Variants in ULK2 observed in about 807,000 individuals in gnomAD.
ULK2 encodes the protein unc-51 like autophagy activating kinase 2, also known as serine/threonine-protein kinase ULK2.
In ULK2, 76 loss-of-function variants were observed where a neutral mutation model predicts 127.5. The ratio of observed to expected loss-of-function variants is 0.60; its 90% CI spans 0.50 to 0.72. ULK2 has a LOEUF of 0.72. Among genes scored for constraint, ULK2 ranks in the 30% least tolerant of loss-of-function variants. The pLI is 0.00. For synonymous variants in ULK2, 452 were observed against 461.9 expected, an observed-to-expected ratio of 0.98 and a Z score of 0.28; for missense variants, 1,144 against 1,295.9, an observed-to-expected ratio of 0.88 and a Z score of 1.80.
intron 3 of ULK2, 110 bp downstream of exon 3, chr17:19,864,693 T>A: frequency 5.3e-6 from 2 of 378,796 alleles, no homozygotes; most frequent in Non-Finnish European, 9.3e-6. Flanking sequence ...AAGCTATGCA[T>A]CTTTTCAACA....
rs957456284 is a variant in ULK2, at chr17:19,783,762, G to T, written c.2395C>A (p.Pro799Thr). 1.2e-6 allele frequency: 2 copies of T among 1,600,856 alleles called. No individual in the cohort carries two copies. The highest frequency in any genetic ancestry group is 1.3e-5 in the African/African-American group (1 of 74,444). Residue 799 changes from proline to threonine, a missense_variant, in exon 22 of 27, where the codon CCC (proline) becomes ACC (threonine). By Grantham distance (38) the Pro-to-Thr change is conservative (BLOSUM62 -1). This residue lies in a region of ULK2 where 913 missense variants were observed against 970.5 expected (regional missense o/e 0.94). Transcript: ENST00000395544. ...SLRYVPYGAS[P>T]PSLEGLITFE... ...GTGATGAGCCCCTCTAGGCTGGGGG[G>T]TGAAGCACCGTAAGGCACGTATCTC...
intron 23 of ULK2, 133 bp from the exon 24 acceptor site, chr17:19,781,237 CTTTTCTT>C: frequency 1.9e-6 from 1 of 529,998 alleles, no homozygotes; most frequent in Non-Finnish European, 3.2e-6. Flanking sequence ...TTTCTTCTTT[CTTTTCTT>C]TTTTTTTTTT....
At chr17:19,776,825 T>G (rs1234687387) in intron 26 of ULK2, among the ~76,000 whole-genome samples, 1 of 152,210 alleles carries the variant, frequency 6.6e-6, no homozygotes, top group Non-Finnish European at 1.5e-5. Context: ...CACAGGACTC[T>G]TTAGTCACTA....
rs140654664 is a variant in ULK2, at chr17:19,833,490, C to T, written c.787+5011G>A. On this transcript the variant is annotated intron_variant, in intron 10 of 26. Coordinates refer to ENST00000395544, the MANE Select transcript of ULK2 (RefSeq NM_014683.4). ...TTAGGAGGCCGAGGTGGGTGGATCA[C>T]GTGAGCCCAGGAGTTCAAGACCAGC... Among the ~76,000 whole-genome samples, 642 of 152,046 alleles carry T rather than the reference C, an allele frequency of 4.2e-3. 1 individual carries two copies. The highest frequency in any genetic ancestry group is 6.8e-3 in the Middle Eastern group (2 of 294).
intron 21 of ULK2, chr17:19,784,120 A>C: frequency 2.5e-6 from 1 of 394,036 alleles, no homozygotes. Context: ...ATTAGACATC[A>C]TCAGAGCTAG....
chr17:19,804,666 T>C, intron 15 of ULK2, 27 bp downstream of exon 15: 1 of 1,554,564 alleles, frequency 6.4e-7, no homozygotes, highest in Non-Finnish European at 8.7e-7. Flanking sequence ...GAAAAAGAAT[T>C]AAGCAAGAAA....
rs569884016 is a variant in ULK2 at position 19,783,746 on chromosome 17, C to T, written c.2411G>A (p.Gly804Glu). The change falls in exon 22 of 27, where the codon GGG becomes GAG. Residue 804 changes from glycine to glutamate, a missense_variant. Around this residue, in one of 2 missense-constraint regions of ULK2, gnomAD observed 913 missense variants for 970.5 expected, o/e 0.94. Transcript: ENST00000395544. ...PYGASPPSLE[G>E]LITFEAPELP... ...TTCAGGGGCTTCAAAGGTGATGAGCCCCTCTAGGCTGGGGGGTGAAGCACC... is the reference window on the plus strand; with the variant it reads ...TTCAGGGGCTTCAAAGGTGATGAGCTCCTCTAGGCTGGGGGGTGAAGCACC... 1.9e-6 allele frequency: 3 copies of T among 1,594,632 alleles called. No individual in the cohort carries two copies. The highest frequency in any genetic ancestry group is 1.7e-5 in the Admixed American group (1 of 57,628).
chr17:19,854,885 G>A (rs2042090953), intron 3 of ULK2, among the ~76,000 whole-genome samples: 1 of 151,946 alleles, frequency 6.6e-6, no homozygotes, highest in African/African-American at 2.4e-5. Context: ...TGGATCACGA[G>A]GTCAGGAGTT....
chr17:19,809,989 T>C (rs542585798), intron 14 of ULK2, among the ~76,000 whole-genome samples: 8 of 152,246 alleles, frequency 5.3e-5, no homozygotes, highest in African/African-American at 1.9e-4. Flanking sequence ...CCCAGCACTC[T>C]GGGAGGCCAA....
chr17:19,783,267 A>G (rs1245290482), intron 22 of ULK2, among the ~76,000 whole-genome samples: 1 of 152,018 alleles, frequency 6.6e-6, no homozygotes, highest in East Asian at 1.9e-4. Flanking sequence ...CCTGGCCAAC[A>G]TGGTGAAACC....
chr17:19,790,792 A>C (rs923358281), intron 20 of ULK2, among the ~76,000 whole-genome samples: 2 of 152,244 alleles, frequency 1.3e-5, no homozygotes, highest in African/African-American at 4.8e-5. Context: ...AGACACATGT[A>C]GACTGATAAT....
chr17:19,789,170 AG>A (rs2087098653), intron 20 of ULK2, among the ~76,000 whole-genome samples: 1 of 152,226 alleles, frequency 6.6e-6, no homozygotes, highest in Non-Finnish European at 1.5e-5. Flanking sequence ...TAACCCAGGC[AG>A]TTCCAGTGGT....
At chr17:19,862,498 C>T (rs983618597) in intron 3 of ULK2, among the ~76,000 whole-genome samples, 1 of 151,572 alleles carries the variant, frequency 6.6e-6, no homozygotes, top group African/African-American at 2.4e-5. Context: ...TGGAGTTTCG[C>T]TCGTTACCCC....
intron 5 of ULK2, among the ~76,000 whole-genome samples, 188 bp from the exon 6 acceptor site, chr17:19,847,098 A>C (rs2041902396): frequency 6.6e-6 from 1 of 152,218 alleles, no homozygotes; most frequent in African/African-American, 2.4e-5. Context: ...CAAAACCTGT[A>C]GTCAATCTGT....
Position 19,801,841 on chromosome 17 carries a change from T to C in ULK2, c.1377A>G (p.Thr459=). ...AGAGCCTTCGTCCAACTGTCTGTGC[T>C]GTGTCTGCTGGTACTGGGGAGCATG... The part of the protein sequence containing the change: ...PGSCSPVPAD[T]AQTVGRRLST... Residue 459 remains threonine, a synonymous_variant, in exon 16 of 27, where the codon ACA becomes ACG. Transcript: ENST00000395544. 3.7e-6 allele frequency: 6 copies of C among 1,614,240 alleles called. No individual in the cohort carries two copies. Among genetic ancestry groups the C allele is most frequent in the Non-Finnish European group, 5.1e-6 (6 of 1,180,032 alleles).
Position 19,771,151 on chromosome 17 carries a change from G to T in ULK2, c.*5198C>A, listed in dbSNP as rs1404669603. ...GGTGAGACAGTGTGGGGCTCCTGTGGGGAGATGGGTACTCCTGTACCCAGT... is the reference window on the plus strand; with the variant it reads ...GGTGAGACAGTGTGGGGCTCCTGTGTGGAGATGGGTACTCCTGTACCCAGT... On this transcript the variant is annotated 3_prime_UTR_variant, in exon 27 of 27. Coordinates refer to ENST00000395544, the MANE Select transcript of ULK2 (RefSeq NM_014683.4). 1 of 152,194 alleles carries T rather than the reference G, an allele frequency of 6.6e-6. No individual in the cohort carries two copies. Among genetic ancestry groups the T allele is most frequent in the Non-Finnish European group, 1.5e-5 (1 of 68,058 alleles). 9.4% of individuals were successfully genotyped at this position (152,194 alleles called of 1,614,324 possible). A position where few individuals can be genotyped will look rare whatever the true frequency, so the allele number is the denominator to read the frequency against.
chr17:19,817,065 G>C lies in ULK2; in HGVS notation c.925-145C>G, dbSNP rs1214085822. 1.8e-5 allele frequency: 12 copies of C among 652,802 alleles called. 1 individual carries two copies. In the Admixed American group the frequency reaches 2.1e-4, roughly 11 times the overall value. 40.4% of individuals were successfully genotyped at this position (652,802 alleles called of 1,614,324 possible). ...CTAAGGTTTCAAAAAAATCTCTTTG[G>C]AAAAGCTTTCCTTTAGAAAACCTTT... On this transcript the variant is annotated intron_variant, in intron 12 of 26. Transcript: ENST00000395544.
In ULK2 at chr17:19,777,704, C is replaced by A. The variant is rs1419206034; in HGVS notation, c.2929G>T (p.Ala977Ser). ...GTCTGCTGAAACATCTCATCCAGGG[C>A]TGCAGACTGAACCTGGAACCAGTCA... ...NCAVEMVQSA[A>S]LDEMFQQTED... Residue 977 changes from alanine to serine, a missense_variant, in exon 26 of 27, where the codon GCC becomes TCC. By Grantham distance (99) the Ala-to-Ser change is moderately conservative. Transcript: ENST00000395544. The A allele has an allele frequency of 1.9e-6, 3 of 1,609,576 alleles. No individual in the cohort carries two copies. The highest frequency in any genetic ancestry group is 1.7e-6 in the Non-Finnish European group (2 of 1,178,906).
chr17:19,800,725 T>G (rs1046331881), intron 16 of ULK2, among the ~76,000 whole-genome samples: 8 of 152,190 alleles, frequency 5.3e-5, no homozygotes, highest in Non-Finnish European at 7.3e-5. Flanking sequence ...CAGTTCTGAC[T>G]GAAGGTGGGG....
Sources: gnomAD v4.1 joint callset for allele counts (sites outside exome capture counted in the v4.1 genomes callset) on GRCh38, gnomAD v4.1.1 for gene constraint, gnomAD v4.1.1 regional missense constraint, MANE v1.5 for transcripts, NCBI Gene and HGNC (gene_info 2026-07-23, HGNC 2026-07-21) for gene names.